The following NFE2L2 variants were observed in gnomAD, a reference collection of about 807,000 sequenced individuals.
NFE2L2 encodes the protein nuclear factor erythroid 2-related factor 2.
In NFE2L2, 20 loss-of-function variants were observed where a neutral mutation model predicts 49.6. The ratio of observed to expected loss-of-function variants is 0.40; its 90% CI spans 0.28 to 0.59. The LOEUF (loss-of-function observed/expected upper bound fraction) is 0.59. Among genes scored for constraint, NFE2L2 ranks in the 20% least tolerant of loss-of-function variants. NFE2L2 has a pLI of 0.40. For missense variants in NFE2L2, 578 were observed against 714.2 expected, an observed-to-expected ratio of 0.81 and a Z score of 2.17; for synonymous variants, 244 against 256.5, an observed-to-expected ratio of 0.95 and a Z score of 0.47.
chr2:177,264,576 TG>T lies in NFE2L2; in HGVS notation c.-1del. 6.6e-7 allele frequency: 1 copy of T among 1,515,928 alleles called. No individual in the cohort carries two copies. The highest frequency in any genetic ancestry group is 8.8e-7 in the Non-Finnish European group (1 of 1,130,954). The allele number at this position is 1,515,928 out of a possible 1,614,324, so 93.9% of individuals were successfully genotyped here. On this transcript the variant is annotated 5_prime_UTR_variant, in exon 1 of 5. Coordinates refer to ENST00000397062, the MANE Select transcript of NFE2L2 (RefSeq NM_006164.5). ...GGCGGCGGCAGCTCCAAGTCCATCA[TG>T]ATGAGCTGTGGACCGTGTGTTGGGG...
chr2:177,237,678 C>T (rs1689796597), intron 1 of NFE2L2, among the ~76,000 whole-genome samples: 2 of 152,144 alleles, frequency 1.3e-5, no homozygotes, highest in African/African-American at 4.8e-5. Context: ...GCCACCATGC[C>T]CGGCTAATTT....
At chr2:177,263,223 C>T (rs549258054) in intron 1 of NFE2L2, among the ~76,000 whole-genome samples, 2 of 152,300 alleles carry the variant, frequency 1.3e-5, no homozygotes, top group East Asian at 3.9e-4. Flanking sequence ...TGTTTTGAAA[C>T]GCAAGCGTTC....
chr2:177,251,075 G>C (rs1444725196), intron 1 of NFE2L2, among the ~76,000 whole-genome samples: 1 of 152,174 alleles, frequency 6.6e-6, no homozygotes, highest in Non-Finnish European at 1.5e-5. Context: ...TAAAAGAATA[G>C]AAGATGAGGC....
intron 1 of NFE2L2, among the ~76,000 whole-genome samples, chr2:177,253,960 G>A (rs1270715340): frequency 6.6e-6 from 1 of 152,190 alleles, no homozygotes; most frequent in Non-Finnish European, 1.5e-5. Context: ...CCCTCAGGCT[G>A]ATGGTCAGAA....
intron 1 of NFE2L2, among the ~76,000 whole-genome samples, chr2:177,238,929 T>C (rs1415006617): frequency 1.3e-5 from 2 of 152,214 alleles, no homozygotes; most frequent in Non-Finnish European, 2.9e-5. Flanking sequence ...GTGGGGGTAA[T>C]GGTGATGGCA....
intron 1 of NFE2L2, among the ~76,000 whole-genome samples, chr2:177,245,846 A>G (rs1690105055): frequency 6.6e-6 from 1 of 152,098 alleles, no homozygotes; most frequent in Admixed American, 6.5e-5. Context: ...CTGACCTCAG[A>G]TGATCTGCCT....
chr2:177,252,000 C>CAAAAAA (rs3082509), intron 1 of NFE2L2, among the ~76,000 whole-genome samples: 1 of 104,534 alleles, frequency 9.6e-6, no homozygotes, highest in Non-Finnish European at 1.8e-5. Context: ...GACTCTGTCT[C>CAAAAAA]AAAAAAAAAA....
intron 1 of NFE2L2, among the ~76,000 whole-genome samples, chr2:177,246,541 T>G (rs926945906): frequency 1.3e-5 from 2 of 152,048 alleles, no homozygotes; most frequent in African/African-American, 4.8e-5. Flanking sequence ...CACACTCATT[T>G]AATATATTTT....
chr2:177,232,778 T>C, intron 3 of NFE2L2, 195 bp from the exon 4 acceptor site: 1 of 576,312 alleles, frequency 1.7e-6, no homozygotes, highest in East Asian at 2.8e-5. Context: ...TTTGCTGGTC[T>C]GTTTCAGCTT....
Position 177,230,672 on chromosome 2 carries a change from C to T in NFE2L2, c.*113G>A, listed in dbSNP as rs1689507153. On this transcript the variant is annotated 3_prime_UTR_variant, in exon 5 of 5. Transcript: ENST00000397062. ...GTATTATTTTCTATACTAGTTTTGG[C>T]TATGATTTTGCATAGAATTACTTAT... 8.2e-7 allele frequency: 1 copy of T among 1,224,168 alleles called. No individual in the cohort carries two copies. The allele number at this position is 1,224,168 out of a possible 1,614,324, so 75.8% of individuals were successfully genotyped here. A position where few individuals can be genotyped will look rare whatever the true frequency, so the allele number is the denominator to read the frequency against.
At chr2:177,245,927 G>C (rs1690107878) in intron 1 of NFE2L2, among the ~76,000 whole-genome samples, 1 of 152,124 alleles carries the variant, frequency 6.6e-6, no homozygotes, top group Non-Finnish European at 1.5e-5. Flanking sequence ...TTCATTTCTA[G>C]ATGAACACGT....
intron 1 of NFE2L2, among the ~76,000 whole-genome samples, chr2:177,246,150 C>T (rs1482981326): frequency 2.0e-5 from 3 of 152,142 alleles, no homozygotes; most frequent in Admixed American, 6.5e-5. Flanking sequence ...GCCCTCTGGA[C>T]ACTCAGACTT....
At chr2:177,252,422 A>C (rs1201069462) in intron 1 of NFE2L2, among the ~76,000 whole-genome samples, 2 of 152,196 alleles carry the variant, frequency 1.3e-5, no homozygotes, top group Admixed American at 1.3e-4. Flanking sequence ...AGGAGAGAAA[A>C]GAGAGGAAAT....
chr2:177,244,755 C>A (rs1443692356), intron 1 of NFE2L2, among the ~76,000 whole-genome samples: 1 of 152,070 alleles, frequency 6.6e-6, no homozygotes, highest in Non-Finnish European at 1.5e-5. Flanking sequence ...GCCTGTAATC[C>A]CAGCACTTTG....
At position 177,235,187 on chromosome 2, in the gene NFE2L2, A is replaced by G. The variant is rs146003121; in HGVS notation, c.46-916T>C. On this transcript the variant is annotated intron_variant, in intron 1 of 4. Coordinates refer to ENST00000397062, the MANE Select transcript of NFE2L2 (RefSeq NM_006164.5). The stretch of plus-strand genomic sequence containing the variant: ...ACGCCTACAAGCCCAGCACTTTGGG[A>G]GGCTGAGGCAGGTGGATTGCTTGAG... Among the ~76,000 whole-genome samples the G allele has an allele frequency of 2.9e-3, 443 of 152,224 alleles. 9 individuals are homozygous for G. The East Asian group carries it at 0.043, about 15-fold the overall frequency.
At chr2:177,246,822 G>C (rs571135587) in intron 1 of NFE2L2, among the ~76,000 whole-genome samples, 1 of 133,916 alleles carries the variant, frequency 7.5e-6, no homozygotes, top group South Asian at 2.3e-4. Context: ...ATGTTGCCCA[G>C]GCTGGTCTCA....
At chr2:177,234,393 C>T (rs1333644444) in intron 1 of NFE2L2, 122 bp from the exon 2 acceptor site, 1 of 1,113,856 alleles carries the variant, frequency 9.0e-7, no homozygotes, top group South Asian at 1.7e-5. Flanking sequence ...CAAATACAAT[C>T]TAAATGAGAA....
intron 1 of NFE2L2, among the ~76,000 whole-genome samples, chr2:177,246,608 C>CT (rs1690141589): frequency 6.8e-6 from 1 of 147,768 alleles, no homozygotes; most frequent in African/African-American, 2.5e-5. Flanking sequence ...TCTTTTTTTT[C>CT]TTTTTTTCTA....
intron 1 of NFE2L2, among the ~76,000 whole-genome samples, chr2:177,246,770 T>TTAA (rs1443518731): frequency 1.8e-5 from 2 of 109,026 alleles, no homozygotes; most frequent in African/African-American, 7.8e-5. Flanking sequence ...TGGCTAATAT[T>TTAA]TTACTTTTTT....
Sources: allele counts gnomAD v4.1 joint callset (sites outside exome capture counted in the v4.1 genomes callset), GRCh38; gene constraint gnomAD v4.1.1; transcripts MANE v1.5; gene names NCBI Gene and HGNC (gene_info 2026-07-23, HGNC 2026-07-21).